Variants in IL27 observed in about 807,000 individuals in gnomAD.
The protein encoded by IL27 is interleukin 27, also known as interleukin-27 subunit alpha.
In IL27, 11 loss-of-function variants were observed where a neutral mutation model predicts 27.0. That is an observed-to-expected ratio of 0.41 (90% CI 0.26 to 0.67). The LOEUF is 0.67. IL27 is among the 30% of genes least tolerant of loss of function. The pLI is 0.34. For synonymous variants in IL27, 134 were observed against 140.6 expected (o/e 0.95, Z 0.33); for missense variants, 299 against 310.4 (o/e 0.96, Z 0.28).
intron 4 of IL27, among the ~76,000 whole-genome samples, chr16:28,501,424 CCA>C (rs981338574): frequency 1.3e-5 from 2 of 149,996 alleles, no homozygotes; most frequent in Non-Finnish European, 3.0e-5. Flanking sequence ...TCATACAGAC[CCA>C]CACACACTCA....
At chr16:28,500,027 G>A (rs2046421960) in intron 4 of IL27, 107 bp from the exon 5 acceptor site, 1 of 1,374,994 alleles carries the variant, frequency 7.3e-7, no homozygotes, top group Non-Finnish European at 9.6e-7. Flanking sequence ...GTGACCACAA[G>A]GTCATGATTT....
chr16:28,499,578 A>G lies in IL27; in HGVS notation c.*73T>C. 1 of 1,278,330 alleles carries G rather than the reference A, an allele frequency of 7.8e-7. No individual in the cohort carries two copies. Among genetic ancestry groups the G allele is most frequent in the Non-Finnish European group, 1.1e-6 (1 of 913,848 alleles). The allele number at this position is 1,278,330 out of a possible 1,614,324, so 79.2% of individuals were successfully genotyped here. A position where few individuals can be genotyped will look rare whatever the true frequency, so the allele number is the denominator to read the frequency against. ...CCCTTGTCCAAGGCTGATGATGCGA[A>G]GGCTGCCCTGATGCCAAGACTCCAG... On this transcript the variant is annotated 3_prime_UTR_variant, in exon 5 of 5. Transcript: ENST00000356897.
In IL27 at chr16:28,502,197, C is replaced by T. The variant is rs181890230; in HGVS notation, c.304-63G>A. On this transcript the variant is annotated intron_variant, in intron 3 of 4. Coordinates refer to ENST00000356897, the MANE Select transcript of IL27 (RefSeq NM_145659.3). ...CCAAGGATGGCCATATCACACCCAC[C>T]CCCTCCCTATCCGGGTCTCCTTCCC... is the stretch of plus-strand genomic sequence containing the variant. 14 of 1,460,388 alleles carry T rather than the reference C, an allele frequency of 9.6e-6. No individual in the cohort carries two copies. The Admixed American group carries it at 2.4e-4, about 25-fold the overall frequency. The allele number at this position is 1,460,388 out of a possible 1,614,324, so 90.5% of individuals were successfully genotyped here.
intron 1 of IL27, among the ~76,000 whole-genome samples, chr16:28,506,532 AAC>A (rs1169384558): frequency 6.6e-6 from 1 of 152,000 alleles, no homozygotes; most frequent in African/African-American, 2.4e-5. Flanking sequence ...TTGCTGGTCC[AAC>A]CCTCCCCATT....
intron 1 of IL27, among the ~76,000 whole-genome samples, chr16:28,506,019 G>A (rs2151627076): frequency 6.6e-6 from 1 of 152,216 alleles, no homozygotes; most frequent in South Asian, 2.1e-4. Context: ...TGACATCCTG[G>A]AGACTTAAGG....
rs762831936 is a variant in IL27 at position 28,499,863 on chromosome 16, C to G, written c.520G>C (p.Glu174Gln). Residue 174 changes from glutamate to glutamine, a missense_variant, in exon 5 of 5, where the codon GAG (glutamate) becomes CAG (glutamine). Glu to Gln is a conservative substitution (Grantham distance 29). Transcript: ENST00000356897. The stretch of plus-strand genomic sequence containing the variant: ...GGGAGCAGCCCCTTCCTCTCCTCCT[C>G]CTCCTCCTCCTCTTCCTCCTCCTCC... ...EEEEEEEEEE[E>Q]EERKGLLPGA... 1 of 1,555,640 alleles carries G rather than the reference C, an allele frequency of 6.4e-7. No individual in the cohort carries two copies. The highest frequency in any genetic ancestry group is 1.4e-5 in the African/African-American group (1 of 73,134).
At chr16:28,500,886 C>T (rs1346878000) in intron 4 of IL27, among the ~76,000 whole-genome samples, 1 of 152,102 alleles carries the variant, frequency 6.6e-6, no homozygotes. Context: ...CACTCATTCC[C>T]ATACAGTCAC....
In IL27 at chr16:28,499,425, C is replaced by A. The variant is rs1222374204; in HGVS notation, c.*226G>T. On this transcript the variant is annotated 3_prime_UTR_variant, in exon 5 of 5. Coordinates refer to ENST00000356897, the MANE Select transcript of IL27 (RefSeq NM_145659.3). ...TTGGCCCGAGGAGGACCATCGGGCC[C>A]CAAGACAATAAATAAACCATCATCT... The A allele has an allele frequency of 1.9e-6, 1 of 527,522 alleles. No individual in the cohort carries two copies. The highest frequency in any genetic ancestry group is 1.9e-5 in the African/African-American group (1 of 52,982). The allele number at this position is 527,522 out of a possible 1,614,324, so 32.7% of individuals were successfully genotyped here.
At chr16:28,500,277 CCTCT>C (rs376841701) in intron 4 of IL27, among the ~76,000 whole-genome samples, 2 of 149,556 alleles carry the variant, frequency 1.3e-5, no homozygotes, top group Admixed American at 1.3e-4. Flanking sequence ...GCTTGCCATT[CCTCT>C]CTCTCTCTCT....
rs2046418157 is a variant in IL27 at position 28,499,517 on chromosome 16, T to C, written c.*134A>G. ...GAGGACCAGAGGGGCTTTCAGTTAC[T>C]GGGTAGAGCCTGGGGCAGGGGGCTG... is the stretch of plus-strand genomic sequence containing the variant. On this transcript the variant is annotated 3_prime_UTR_variant, in exon 5 of 5. Transcript: ENST00000356897. 3.2e-6 allele frequency: 2 copies of C among 628,878 alleles called. No individual in the cohort carries two copies. The highest frequency in any genetic ancestry group is 5.6e-6 in the Non-Finnish European group (2 of 357,656). The allele number at this position is 628,878 out of a possible 1,614,324, so 39.0% of individuals were successfully genotyped here.
chr16:28,505,601 A>G (rs1421846099), intron 1 of IL27, among the ~76,000 whole-genome samples: 1 of 152,108 alleles, frequency 6.6e-6, no homozygotes, highest in East Asian at 1.9e-4. Context: ...TACAGACATC[A>G]GCCACTGCGC....
At chr16:28,506,654 G>T in intron 1 of IL27, 127 bp downstream of exon 1, 1 of 933,394 alleles carries the variant, frequency 1.1e-6, no homozygotes, top group Non-Finnish European at 1.6e-6. Context: ...CCATGCAGCA[G>T]CCAGCCGAAT....
intron 4 of IL27, 39 bp from the exon 5 acceptor site, chr16:28,499,959 G>A (rs1380511067): frequency 6.0e-6 from 9 of 1,501,918 alleles, no homozygotes; most frequent in South Asian, 2.5e-5. Context: ...GGGCCAGGCC[G>A]AGAACCTGAG....
intron 4 of IL27, among the ~76,000 whole-genome samples, chr16:28,501,149 G>A (rs1430042108): frequency 1.3e-5 from 2 of 151,442 alleles, no homozygotes; most frequent in African/African-American, 2.4e-5. Flanking sequence ...AGATCGCACC[G>A]CTGCACTCCA....
rs1047725610 is a variant in IL27, at chr16:28,499,580, G to C, written c.*71C>G. ...CTTGTCCAAGGCTGATGATGCGAAG[G>C]CTGCCCTGATGCCAAGACTCCAGTC... On this transcript the variant is annotated 3_prime_UTR_variant, in exon 5 of 5. Transcript: ENST00000356897. 1.5e-6 allele frequency: 2 copies of C among 1,296,242 alleles called. No homozygotes were observed. The highest frequency in any genetic ancestry group is 1.1e-6 in the Non-Finnish European group (1 of 927,288). 80.3% of individuals were successfully genotyped at this position (1,296,242 alleles called of 1,614,324 possible).
intron 1 of IL27, among the ~76,000 whole-genome samples, chr16:28,504,789 C>T (rs977982744): frequency 6.6e-6 from 1 of 152,082 alleles, no homozygotes; most frequent in African/African-American, 2.4e-5. Flanking sequence ...CACTATGTTG[C>T]CCAGGCTGGT....
chr16:28,499,922 T>C lies in IL27; in HGVS notation c.463-2A>G. The C allele has an allele frequency of 6.5e-7, 1 of 1,544,422 alleles. No individual in the cohort carries two copies. The highest frequency in any genetic ancestry group is 8.8e-7 in the Non-Finnish European group (1 of 1,142,404). On this transcript the variant is annotated splice_acceptor_variant, in intron 4 of 4. Transcript: ENST00000356897. LOFTEE classifies it high-confidence loss of function. ...GAGGTTGAATCCTGCAGCCAGCACC[T>C]GTGAGGAGAGGCCATGGGTCAGGGA...
At position 28,499,520 on chromosome 16, in the gene IL27, G is replaced by A. The variant is rs1358105248; in HGVS notation, c.*131C>T. ...GACCAGAGGGGCTTTCAGTTACTGG[G>A]TAGAGCCTGGGGCAGGGGGCTGGAA... On this transcript the variant is annotated 3_prime_UTR_variant, in exon 5 of 5. Coordinates refer to ENST00000356897, the MANE Select transcript of IL27 (RefSeq NM_145659.3). 4.6e-6 allele frequency: 3 copies of A among 648,554 alleles called. No homozygotes were observed. The highest frequency in any genetic ancestry group is 8.1e-6 in the Non-Finnish European group (3 of 369,942). The allele number at this position is 648,554 out of a possible 1,614,324, so 40.2% of individuals were successfully genotyped here. A position where few individuals can be genotyped will look rare whatever the true frequency, so the allele number is the denominator to read the frequency against.
intron 3 of IL27, 122 bp downstream of exon 3, chr16:28,503,573 C>T: frequency 1.4e-6 from 1 of 695,644 alleles, no homozygotes; most frequent in Non-Finnish European, 2.4e-6. Context: ...TGTCCAATGA[C>T]ATATTCAGCC....
Sources: allele counts gnomAD v4.1 joint callset (sites outside exome capture counted in the v4.1 genomes callset), GRCh38; gene constraint gnomAD v4.1.1; transcripts MANE v1.5; gene names NCBI Gene and HGNC (gene_info 2026-07-23, HGNC 2026-07-21).